FSTL5: variants seen among roughly 807,000 people sequenced by gnomAD.
FSTL5 encodes follistatin like 5, also known as follistatin-related protein 5.
A neutral mutation model predicts 89.1 loss-of-function variants in FSTL5; 62 were observed. That is an observed-to-expected ratio of 0.70 (90% CI 0.57 to 0.86). FSTL5 has a LOEUF of 0.86. FSTL5 is among the 40% of genes least tolerant of loss of function. The probability of loss-of-function intolerance (pLI) is 0.00; values close to 1 mark genes in which losing one functional copy is unlikely to be tolerated. For synonymous variants in FSTL5, 383 were observed against 346.2 expected (o/e 1.11, Z -1.18); for missense variants, 1,057 against 1,001.6 (o/e 1.06, Z -0.75).
At chr4:161,473,265 A>G (rs1734011844) in intron 13 of FSTL5, among the ~76,000 whole-genome samples, 3 of 152,128 alleles carry the variant, frequency 2.0e-5, no homozygotes, top group Non-Finnish European at 4.4e-5. Flanking sequence ...TTCAGTTATC[A>G]TTGTAGAACT....
chr4:161,505,189 C>G (rs1730433776), intron 11 of FSTL5, among the ~76,000 whole-genome samples: 1 of 152,140 alleles, frequency 6.6e-6, no homozygotes, highest in Non-Finnish European at 1.5e-5. Context: ...ATAATATAGG[C>G]AAGAATAGAT....
intron 8 of FSTL5, among the ~76,000 whole-genome samples, chr4:161,584,354 A>C (rs910815679): frequency 6.6e-6 from 1 of 152,204 alleles, no homozygotes; most frequent in Non-Finnish European, 1.5e-5. Context: ...GGGACTATTC[A>C]TCTTCCAAAG....
chr4:161,900,646 AAAAAAAAAAAAAGAAAG>A (rs1216647680), intron 4 of FSTL5, among the ~76,000 whole-genome samples: 7 of 118,478 alleles, frequency 5.9e-5, no homozygotes, highest in Admixed American at 1.8e-4. Flanking sequence ...CTCAAAAAAA[AAAAAAAAAAAAAGAAAG>A]AAAGAAAGAA....
At chr4:162,002,134 GAA>G (rs2111108347) in intron 3 of FSTL5, among the ~76,000 whole-genome samples, 1 of 152,200 alleles carries the variant, frequency 6.6e-6, no homozygotes, top group African/African-American at 2.4e-5. Context: ...ACTATAAACT[GAA>G]AGAGATTTGT....
intron 6 of FSTL5, among the ~76,000 whole-genome samples, chr4:161,688,977 TAAAC>T (rs1295330896): frequency 1.3e-5 from 2 of 152,200 alleles, no homozygotes; most frequent in African/African-American, 2.4e-5. Flanking sequence ...AATTTCAAAA[TAAAC>T]AAATTACTTG....
intron 4 of FSTL5, among the ~76,000 whole-genome samples, chr4:161,909,926 A>C (rs1205378466): frequency 6.6e-6 from 1 of 152,096 alleles, no homozygotes; most frequent in African/African-American, 2.4e-5. Context: ...CTGAATATTG[A>C]ATATATGTGT....
chr4:162,126,235 G>A (rs1732074991), intron 1 of FSTL5, among the ~76,000 whole-genome samples: 1 of 151,676 alleles, frequency 6.6e-6, no homozygotes, highest in African/African-American at 2.4e-5. Flanking sequence ...TTTTCAATGT[G>A]GGCCAATAAA....
chr4:161,735,500 A>G lies in FSTL5; in HGVS notation c.727+23911T>C, dbSNP rs576396696. Among the ~76,000 whole-genome samples, 5 of 152,292 alleles carry G rather than the reference A, an allele frequency of 3.3e-5. No individual in the cohort carries two copies. In the South Asian group the frequency reaches 8.3e-4, roughly 25 times the overall value. On this transcript the variant is annotated intron_variant, in intron 6 of 15. Transcript: ENST00000306100. ...TAAACCTAGGTAAATGAAGTTAAAT[A>G]CATAATTTTAAAAAACCATGAGGTT... is the stretch of plus-strand genomic sequence containing the variant.
At chr4:161,913,373 G>T (rs2110837558) in intron 4 of FSTL5, among the ~76,000 whole-genome samples, 1 of 152,244 alleles carries the variant, frequency 6.6e-6, no homozygotes, top group East Asian at 1.9e-4. Flanking sequence ...GGGACTTGGT[G>T]CCCTGCGTCC....
chr4:161,927,914 T>C (rs1359173462), intron 3 of FSTL5, among the ~76,000 whole-genome samples: 2 of 151,648 alleles, frequency 1.3e-5, no homozygotes, highest in African/African-American at 4.8e-5. Flanking sequence ...AGAGTTCCCA[T>C]ATATTCCCTT....
At chr4:161,973,611 A>G (rs1735547122) in intron 3 of FSTL5, among the ~76,000 whole-genome samples, 1 of 152,166 alleles carries the variant, frequency 6.6e-6, no homozygotes, top group Non-Finnish European at 1.5e-5. Context: ...CCTGTTACAG[A>G]GTGTTTTTTA....
intron 6 of FSTL5, among the ~76,000 whole-genome samples, chr4:161,753,710 A>G (rs1051996782): frequency 2.0e-5 from 3 of 152,140 alleles, no homozygotes; most frequent in Non-Finnish European, 4.4e-5. Flanking sequence ...AATGAGTTCT[A>G]TTTTCCTCAT....
At chr4:161,898,096 ATTTT>A (rs1733226633) in intron 4 of FSTL5, among the ~76,000 whole-genome samples, 1 of 148,028 alleles carries the variant, frequency 6.8e-6, no homozygotes, top group Non-Finnish European at 1.5e-5. Context: ...ATATATATAT[ATTTT>A]ATTTTATGAA....
At chr4:161,488,725 A>T (rs1331511911) in intron 12 of FSTL5, among the ~76,000 whole-genome samples, 4 of 152,188 alleles carry the variant, frequency 2.6e-5, no homozygotes, top group Non-Finnish European at 4.4e-5. Context: ...ACTTATTTTC[A>T]TCTAGGAAAT....
chr4:161,733,192 C>T (rs150803141), intron 6 of FSTL5, among the ~76,000 whole-genome samples: 57 of 151,638 alleles, frequency 3.8e-4, no homozygotes, highest in Middle Eastern at 3.5e-3. Context: ...CTTGTTTTAC[C>T]CATCATTGGT....
At chr4:161,953,250 A>G (rs1383495416) in intron 3 of FSTL5, among the ~76,000 whole-genome samples, 1 of 151,656 alleles carries the variant, frequency 6.6e-6, no homozygotes, top group Non-Finnish European at 1.5e-5. Flanking sequence ...CACATACACA[A>G]CTTCAAGAAT....
In FSTL5 at chr4:161,470,968, T is replaced by C. The variant is rs118180631; in HGVS notation, c.1608+10052A>G. On this transcript the variant is annotated intron_variant, in intron 13 of 15. Coordinates refer to ENST00000306100, the MANE Select transcript of FSTL5 (RefSeq NM_020116.5). Reference sequence around the variant, plus strand: ...TACTTTATTGAATTCATTCATTAGTTCTAATAGTGTTTTGCGTAATTTTTA... The same window carrying C: ...TACTTTATTGAATTCATTCATTAGTCCTAATAGTGTTTTGCGTAATTTTTA... 4.8e-4 allele frequency among the ~76,000 whole-genome samples: 73 copies of C among 152,334 alleles called. 1 individual carries two copies. In the East Asian group the frequency reaches 0.012, roughly 25 times the overall value.
chr4:161,672,331 C>G (rs184506189), intron 6 of FSTL5, among the ~76,000 whole-genome samples: 1 of 152,098 alleles, frequency 6.6e-6, no homozygotes, highest in Non-Finnish European at 1.5e-5. Context: ...TGACAGTTTA[C>G]GACCCAAGAA....
chr4:161,871,475 G>T (rs556227985), intron 4 of FSTL5, among the ~76,000 whole-genome samples: 10 of 152,054 alleles, frequency 6.6e-5, no homozygotes, highest in African/African-American at 2.4e-4. Flanking sequence ...TAATTTCTCT[G>T]AATTTTCAAA....
Sources: gnomAD v4.1 joint callset for allele counts (sites outside exome capture counted in the v4.1 genomes callset) on GRCh38, gnomAD v4.1.1 for gene constraint, MANE v1.5 for transcripts, NCBI Gene and HGNC (gene_info 2026-07-23, HGNC 2026-07-21) for gene names.